SGCZ: variants seen among roughly 807,000 people sequenced by gnomAD.
SGCZ encodes the protein zeta-sarcoglycan.
SGCZ carries 40 observed loss-of-function variants against 41.3 expected under a neutral mutation model. The observed-to-expected ratio is 0.97, with a 90% CI of 0.75 to 1.26. The LOEUF (loss-of-function observed/expected upper bound fraction) is 1.26, where lower values mean the gene tolerates loss of function less well. SGCZ is among the 50% of genes most tolerant of loss of function. The pLI, the probability that SGCZ is intolerant of heterozygous loss-of-function variation, is 0.00. For missense variants in SGCZ, 552 were observed against 369.8 expected (o/e 1.49, Z -4.04); for synonymous variants, 206 against 137.5 (o/e 1.50, Z -3.49).
intron 1 of SGCZ, among the ~76,000 whole-genome samples, chr8:15,223,982 G>A (rs1801691021): frequency 6.6e-6 from 1 of 152,066 alleles, no homozygotes; most frequent in Admixed American, 6.5e-5. Flanking sequence ...AGCCTTCCCA[G>A]TAGCTGGGAT....
intron 1 of SGCZ, among the ~76,000 whole-genome samples, chr8:14,941,381 T>C (rs1302664663): frequency 1.3e-5 from 2 of 152,110 alleles, no homozygotes; most frequent in African/African-American, 2.4e-5. Flanking sequence ...CAAACGGGTA[T>C]ATTAACGCCT....
intron 1 of SGCZ, among the ~76,000 whole-genome samples, chr8:14,702,756 G>C (rs1391518044): frequency 1.5e-5 from 2 of 132,152 alleles, no homozygotes; most frequent in Non-Finnish European, 3.5e-5. Context: ...TAGATAGATA[G>C]ATAGATAGAT....
At chr8:14,899,597 G>T (rs1798891169) in intron 1 of SGCZ, among the ~76,000 whole-genome samples, 1 of 152,144 alleles carries the variant, frequency 6.6e-6, no homozygotes, top group Admixed American at 6.6e-5. Flanking sequence ...GCTTCCCCAT[G>T]CTTGGAGGCT....
intron 4 of SGCZ, among the ~76,000 whole-genome samples, chr8:14,189,436 A>T (rs1805019688): frequency 6.6e-6 from 1 of 152,022 alleles, no homozygotes; most frequent in Non-Finnish European, 1.5e-5. Context: ...TTCAGTACTC[A>T]TCTCAATCTC....
At chr8:14,813,159 C>G (rs1376954997) in intron 1 of SGCZ, among the ~76,000 whole-genome samples, 2 of 152,108 alleles carry the variant, frequency 1.3e-5, no homozygotes, top group African/African-American at 2.4e-5. Flanking sequence ...TCAAAGAGTT[C>G]AAAAACGATG....
At position 14,086,631 on chromosome 8, in the gene SGCZ, C is replaced by G. The variant is rs1042629344; in HGVS notation, c.*3812G>C. On this transcript the variant is annotated 3_prime_UTR_variant, in exon 8 of 8. Transcript: ENST00000382080. ...CTAAACAGTCATTTTGAATAAGATC[C>G]AAATGCATTATTTTCCTTTTTAACG... 6.6e-6 allele frequency among the ~76,000 whole-genome samples: 1 copy of G among 151,550 alleles called. No homozygotes were observed. The highest frequency in any genetic ancestry group is 2.4e-5 in the African/African-American group (1 of 41,356).
intron 3 of SGCZ, among the ~76,000 whole-genome samples, chr8:14,288,222 C>G (rs765244117): frequency 3.9e-5 from 6 of 152,008 alleles, no homozygotes; most frequent in Admixed American, 6.6e-5. Context: ...AATTATTAAT[C>G]TCTTAAATTA....
At chr8:14,348,880 T>G (rs542166832) in intron 2 of SGCZ, among the ~76,000 whole-genome samples, 6 of 152,254 alleles carry the variant, frequency 3.9e-5, no homozygotes, top group South Asian at 2.1e-4. Context: ...TAATTTTTAA[T>G]TTTTACCTAA....
At chr8:14,603,865 A>G (rs569312222) in intron 1 of SGCZ, among the ~76,000 whole-genome samples, 4 of 152,160 alleles carry the variant, frequency 2.6e-5, no homozygotes, top group Non-Finnish European at 2.9e-5. Flanking sequence ...AGTTGACTAC[A>G]TTGCTAAGTA....
intron 1 of SGCZ, among the ~76,000 whole-genome samples, chr8:14,895,710 A>G (rs1328865072): frequency 6.6e-6 from 1 of 152,206 alleles, no homozygotes; most frequent in Non-Finnish European, 1.5e-5. Context: ...GAACTTTGCT[A>G]TGTTCTTTTC....
At chr8:14,656,921 T>C (rs569493410) in intron 1 of SGCZ, among the ~76,000 whole-genome samples, 1 of 151,932 alleles carries the variant, frequency 6.6e-6, no homozygotes, top group Non-Finnish European at 1.5e-5. Context: ...AAAATTAAAA[T>C]ACTAGAAACA....
intron 1 of SGCZ, among the ~76,000 whole-genome samples, chr8:14,651,151 C>A (rs1807384082): frequency 6.6e-6 from 1 of 151,974 alleles, no homozygotes; most frequent in Non-Finnish European, 1.5e-5. Context: ...TTGATATCAT[C>A]TTGCCAATGT....
rs537080504 is a variant in SGCZ, at chr8:14,085,486, C to A, written c.*4957G>T. On this transcript the variant is annotated 3_prime_UTR_variant, in exon 8 of 8. Coordinates refer to ENST00000382080, the MANE Select transcript of SGCZ (RefSeq NM_139167.4). The stretch of plus-strand genomic sequence containing the variant: ...GACTGAAAAAAACAAAAAATAACTA[C>A]AGTTCATTATATCTCATTTCCTTTA... Among the ~76,000 whole-genome samples, 1 of 151,710 alleles carries A rather than the reference C, an allele frequency of 6.6e-6. No homozygotes were observed. Among genetic ancestry groups the A allele is most frequent in the African/African-American group, 2.4e-5 (1 of 41,468 alleles).
At chr8:14,554,618 AACAC>A in intron 2 of SGCZ, 110 bp downstream of exon 2, 1 of 886,688 alleles carries the variant, frequency 1.1e-6, no homozygotes, top group Middle Eastern at 3.4e-4. Context: ...GGGATTTAAA[AACAC>A]ACACTTGTAA....
At chr8:14,742,983 T>C (rs774353673) in intron 1 of SGCZ, among the ~76,000 whole-genome samples, 3 of 152,148 alleles carry the variant, frequency 2.0e-5, no homozygotes, top group Admixed American at 1.3e-4. Context: ...GTTTGTACCA[T>C]GAGCATTTAA....
chr8:15,122,209 G>GA (rs1313753968), intron 1 of SGCZ, among the ~76,000 whole-genome samples: 2 of 150,114 alleles, frequency 1.3e-5, no homozygotes, highest in Admixed American at 6.7e-5. Context: ...TGGGTATGAA[G>GA]AAAAAAATCT....
At chr8:14,913,515 T>C (rs1799338655) in intron 1 of SGCZ, among the ~76,000 whole-genome samples, 1 of 152,078 alleles carries the variant, frequency 6.6e-6, no homozygotes, top group Non-Finnish European at 1.5e-5. Context: ...TAAACTTTTA[T>C]TATGTAGGCC....
chr8:14,800,979 G>A (rs1352308956), intron 1 of SGCZ, among the ~76,000 whole-genome samples: 1 of 152,122 alleles, frequency 6.6e-6, no homozygotes, highest in Non-Finnish European at 1.5e-5. Flanking sequence ...AGGATATCAA[G>A]AACAAAGGAA....
At chr8:14,740,051 C>A (rs376655225) in intron 1 of SGCZ, among the ~76,000 whole-genome samples, 3 of 151,844 alleles carry the variant, frequency 2.0e-5, no homozygotes, top group East Asian at 1.9e-4. Context: ...GGGATGGGGT[C>A]AAAATTGGCA....
Sources: allele counts gnomAD v4.1 joint callset (sites outside exome capture counted in the v4.1 genomes callset), GRCh38; gene constraint gnomAD v4.1.1; transcripts MANE v1.5; gene names NCBI Gene and HGNC (gene_info 2026-07-23, HGNC 2026-07-21).